CFAP43: variants seen among roughly 807,000 people sequenced by gnomAD.
CFAP43 encodes cilia and flagella associated protein 43.
Under a neutral mutation model 218.9 loss-of-function variants are expected in CFAP43, and 155 were observed. The observed-to-expected ratio is 0.71, with a 90% CI of 0.62 to 0.81. The LOEUF (loss-of-function observed/expected upper bound fraction) is 0.81. CFAP43 is among the 30% of genes least tolerant of loss of function. The pLI, the probability that CFAP43 is intolerant of heterozygous loss-of-function variation, is 0.00. For synonymous variants in CFAP43, 645 were observed against 681.3 expected (o/e 0.95, Z 0.83); for missense variants, 1,778 against 1,954.3 (o/e 0.91, Z 1.70).
chr10:104,145,519 G>T lies in CFAP43; in HGVS notation c.3901C>A (p.His1301Asn). Reference sequence around the variant, plus strand: ...AGTTTGTAGAGTATATCCACTTGATGACCAGGAATTTCAGAAAATTCCTTT... The same window carrying T: ...AGTTTGTAGAGTATATCCACTTGATTACCAGGAATTTCAGAAAATTCCTTT... ...FKKEFSEIPGHQVDILYKLFK... is the reference protein window; with the variant it reads ...FKKEFSEIPGNQVDILYKLFK... The change falls in exon 31 of 38, where the codon CAT (histidine) becomes AAT (asparagine). Residue 1301 changes from histidine (H) to asparagine (N), a missense_variant. Physicochemically the swap from His to Asn is moderately conservative, Grantham distance 68 (BLOSUM62 1). Coordinates refer to ENST00000357060, the MANE Select transcript of CFAP43 (RefSeq NM_025145.7). 1 of 1,603,694 alleles carries T rather than the reference G, an allele frequency of 6.2e-7. No individual in the cohort carries two copies. The highest frequency in any genetic ancestry group is 1.1e-5 in the South Asian group (1 of 89,996).
At chr10:104,203,530 T>C (rs1329745233) in intron 8 of CFAP43, 142 bp downstream of exon 8, 2 of 709,662 alleles carry the variant, frequency 2.8e-6, no homozygotes, top group African/African-American at 3.7e-5. Context: ...CCTTTTAAAT[T>C]GGGTATTTTT....
chr10:104,141,378 G>A lies in CFAP43; in HGVS notation c.4272-377C>T, dbSNP rs541680075. Among the ~76,000 whole-genome samples the A allele has an allele frequency of 1.6e-4, 25 of 152,290 alleles. No individual in the cohort carries two copies. The East Asian group carries it at 4.8e-3, about 29-fold the overall frequency. On this transcript the variant is annotated intron_variant, in intron 33 of 37. Coordinates refer to ENST00000357060, the MANE Select transcript of CFAP43 (RefSeq NM_025145.7). The stretch of plus-strand genomic sequence containing the variant: ...TGTAATCCCAGCATTTTGGGATGCC[G>A]AGGTGGGTGGATCATCTGAGGTCAG...
intron 37 of CFAP43, 116 bp downstream of exon 37, chr10:104,131,215 A>G (rs577323919): frequency 1.0e-4 from 127 of 1,268,020 alleles, no homozygotes; most frequent in South Asian, 4.6e-4. Context: ...AAATTATTTT[A>G]AACAATGTAT....
Position 104,143,558 on chromosome 10 carries a change from C to T in CFAP43, c.4026G>A (p.Lys1342=). The change falls in exon 32 of 38, where the codon AAG becomes AAA. Residue 1342 remains lysine (K), a synonymous_variant. Coordinates refer to ENST00000357060, the MANE Select transcript of CFAP43 (RefSeq NM_025145.7). The part of the protein sequence containing the change: ...GELPGSGKLN[K]DAFAQLMKAM... ...CTTTCATTAACTGGGCAAAGGCATC[C>T]TTATTCAACTTGCCAGATCCTGGTA... is the stretch of plus-strand genomic sequence containing the variant. 6.2e-7 allele frequency: 1 copy of T among 1,614,190 alleles called. No homozygotes were observed. Among genetic ancestry groups the T allele is most frequent in the South Asian group, 1.1e-5 (1 of 91,090 alleles).
At chr10:104,191,541 TGTATCTGAGCCTACACA>T (rs1489793138) in intron 12 of CFAP43, among the ~76,000 whole-genome samples, 5 of 152,094 alleles carry the variant, frequency 3.3e-5, no homozygotes, top group South Asian at 2.1e-4. Context: ...GAATTGCTGC[TGTATCTGAGCCTACACA>T]GTATCTGAGC....
chr10:104,154,070 C>G (rs2134783762), intron 27 of CFAP43, among the ~76,000 whole-genome samples: 1 of 152,248 alleles, frequency 6.6e-6, no homozygotes, highest in South Asian at 2.1e-4. Context: ...ACTTGGATCA[C>G]TTGGTTAAGT....
chr10:104,207,866 C>T (rs11191948), intron 5 of CFAP43, 42 bp from the exon 6 acceptor site: 244,834 of 1,568,788 alleles, frequency 0.16, 20,901 homozygotes, highest in Non-Finnish European at 0.17. Context: ...AAAACAATCA[C>T]GGCTAAAAGC....
intron 29 of CFAP43, among the ~76,000 whole-genome samples, chr10:104,146,917 G>A (rs2088004209): frequency 6.6e-6 from 1 of 152,064 alleles, no homozygotes. Context: ...TAATTGGTTT[G>A]CCTCTAGCTT....
intron 3 of CFAP43, among the ~76,000 whole-genome samples, chr10:104,224,737 A>G (rs2091266761): frequency 7.0e-6 from 1 of 142,892 alleles, no homozygotes; most frequent in African/African-American, 2.7e-5. Context: ...CCTGGGGGAC[A>G]GAGTGAGACT....
At chr10:104,189,829 AT>A (rs1275759667) in intron 12 of CFAP43, among the ~76,000 whole-genome samples, 1 of 152,028 alleles carries the variant, frequency 6.6e-6, no homozygotes, top group Admixed American at 6.6e-5. Flanking sequence ...ATAGAGAGAC[AT>A]TTTCTCTACT....
chr10:104,215,050 G>A (rs1159218182), intron 3 of CFAP43, among the ~76,000 whole-genome samples: 4 of 151,992 alleles, frequency 2.6e-5, no homozygotes, highest in Admixed American at 6.6e-5. Context: ...CAGGAGCATC[G>A]CTTGAACCTG....
intron 12 of CFAP43, among the ~76,000 whole-genome samples, chr10:104,189,049 A>G (rs1310263025): frequency 6.6e-6 from 1 of 152,180 alleles, no homozygotes; most frequent in Non-Finnish European, 1.5e-5. Flanking sequence ...GGACATCTAC[A>G]TAAACTCAAT....
At chr10:104,140,003 C>A (rs149987802) in intron 34 of CFAP43, among the ~76,000 whole-genome samples, 23 of 152,138 alleles carry the variant, frequency 1.5e-4, no homozygotes, top group African/African-American at 5.3e-4. Context: ...AAATAACACG[C>A]TTTTAAATAA....
intron 10 of CFAP43, 95 bp from the exon 11 acceptor site, chr10:104,194,109 ATGAGAAAAG>A (rs1310462668): frequency 8.9e-6 from 13 of 1,459,172 alleles, no homozygotes; most frequent in Non-Finnish European, 1.2e-5. Context: ...AGCCTGCAGG[ATGAGAAAAG>A]TGGCAAGTGT....
At chr10:104,132,022 AG>A (rs1420426943) in intron 36 of CFAP43, 93 bp downstream of exon 36, 1 of 930,154 alleles carries the variant, frequency 1.1e-6, no homozygotes, top group African/African-American at 1.7e-5. Context: ...AGATTTTATT[AG>A]GGTCTAGGTA....
At chr10:104,228,947 G>T (rs1424209384) in intron 2 of CFAP43, among the ~76,000 whole-genome samples, 1 of 152,012 alleles carries the variant, frequency 6.6e-6, no homozygotes, top group African/African-American at 2.4e-5. Context: ...TAATATTACT[G>T]ATTAGTATTA....
chr10:104,213,418 C>T (rs1589793824), intron 4 of CFAP43, among the ~76,000 whole-genome samples: 1 of 152,226 alleles, frequency 6.6e-6, no homozygotes, highest in Non-Finnish European at 1.5e-5. Context: ...CACCCATTAT[C>T]ACCACGGCAT....
chr10:104,153,475 GATT>G (rs2088377537), intron 27 of CFAP43, among the ~76,000 whole-genome samples: 1 of 152,096 alleles, frequency 6.6e-6, no homozygotes, highest in East Asian at 1.9e-4. Flanking sequence ...TCCATGTTGT[GATT>G]ATTTCACATT....
intron 4 of CFAP43, among the ~76,000 whole-genome samples, 170 bp downstream of exon 4, chr10:104,214,089 G>A (rs529162901): frequency 2.1e-4 from 32 of 152,266 alleles, no homozygotes; most frequent in African/African-American, 7.2e-4. Flanking sequence ...AGGTAATCAC[G>A]CATGTAGAAA....
Sources: allele counts gnomAD v4.1 joint callset (sites outside exome capture counted in the v4.1 genomes callset), GRCh38; gene constraint gnomAD v4.1.1; transcripts MANE v1.5; gene names NCBI Gene and HGNC (gene_info 2026-07-23, HGNC 2026-07-21).